BRIP1: variants seen among roughly 807,000 people sequenced by gnomAD.
BRIP1 encodes Fanconi anemia group J protein.
In BRIP1, 88 loss-of-function variants were observed where a neutral mutation model predicts 119.7. That is an observed-to-expected ratio of 0.74 (90% CI 0.62 to 0.88). The LOEUF (loss-of-function observed/expected upper bound fraction) is 0.88, where lower values mean the gene tolerates loss of function less well. Among genes scored for constraint, BRIP1 ranks in the 40% least tolerant of loss-of-function variants. The pLI is 0.00. For missense variants in BRIP1, 1,259 were observed against 1,455.4 expected (o/e 0.87, Z 2.20); for synonymous variants, 443 against 496.5 (o/e 0.89, Z 1.43).
Position 61,842,240 on chromosome 17 carries a change from A to G in BRIP1, c.627+4861T>C, listed in dbSNP as rs2078668574. Among the ~76,000 whole-genome samples, 3 of 152,172 alleles carry G rather than the reference A, an allele frequency of 2.0e-5. No individual in the cohort carries two copies. The highest frequency in any genetic ancestry group is 1.5e-5 in the Non-Finnish European group (1 of 68,030). On this transcript the variant is annotated intron_variant, in intron 6 of 19. Coordinates refer to ENST00000259008, the MANE Select transcript of BRIP1 (RefSeq NM_032043.3). The surrounding 1 kb of genome is among the most constrained non-coding windows in gnomAD (Gnocchi z 5.1). The stretch of plus-strand genomic sequence containing the variant: ...TGTAGGAGCTAAAAAAAATGAGCTC[A>G]TAGAAGTAGAGTAAATTGTGGTTAT...
In BRIP1 at chr17:61,715,916, A is replaced by G. The variant is rs747748930; in HGVS notation, c.2492+35T>C. On this transcript the variant is annotated intron_variant, in intron 17 of 19. Coordinates refer to ENST00000259008, the MANE Select transcript of BRIP1 (RefSeq NM_032043.3). ...CTAGATTTATATATATAGCCCTGTCACAGATAATATTATATTAAATTTCAC... is the reference window on the plus strand; with the variant it reads ...CTAGATTTATATATATAGCCCTGTCGCAGATAATATTATATTAAATTTCAC... The G allele has an allele frequency of 3.0e-6, 4 of 1,346,018 alleles. No individual in the cohort carries two copies. In the Admixed American group the frequency reaches 6.8e-5, roughly 23 times the overall value. 83.4% of individuals were successfully genotyped at this position (1,346,018 alleles called of 1,614,324 possible). A position where few individuals can be genotyped will look rare whatever the true frequency, so the allele number is the denominator to read the frequency against.
rs138776528 is a variant in BRIP1, at chr17:61,745,007, A to G, written c.2098-416T>C. ...CCTCTGTCAAAGTTAACAAACTTTA[A>G]GTTCTCTCTTTAAACCTAAGGTGAA... On this transcript the variant is annotated intron_variant, in intron 14 of 19. Transcript: ENST00000259008. This position sits in a 1 kb window ranked among gnomAD's most constrained non-coding sequence, Gnocchi z 4.4. Among the ~76,000 whole-genome samples the G allele has an allele frequency of 5.9e-5, 9 of 152,308 alleles. No individual in the cohort carries two copies. The highest frequency in any genetic ancestry group is 2.2e-4 in the African/African-American group (9 of 41,576).
Position 61,823,320 on chromosome 17 carries a change from A to G in BRIP1, c.628-14563T>C, listed in dbSNP as rs776675321. Among the ~76,000 whole-genome samples, 8 of 152,266 alleles carry G rather than the reference A, an allele frequency of 5.3e-5. No individual in the cohort carries two copies. Among genetic ancestry groups the G allele is most frequent in the Non-Finnish European group, 1.2e-4 (8 of 68,048 alleles). On this transcript the variant is annotated intron_variant, in intron 6 of 19. Coordinates refer to ENST00000259008, the MANE Select transcript of BRIP1 (RefSeq NM_032043.3). The surrounding 1 kb of genome is among the most constrained non-coding windows in gnomAD (Gnocchi z 4.8). Reference sequence around the variant, plus strand: ...AAAAACAGAAATCTTATCTTGCACCATAAACTACTAACAAATTGGACAAGA... The same window carrying G: ...AAAAACAGAAATCTTATCTTGCACCGTAAACTACTAACAAATTGGACAAGA...
At chr17:61,771,406 T>A (rs972081826) in intron 14 of BRIP1, among the ~76,000 whole-genome samples, 4 of 152,200 alleles carry the variant, frequency 2.6e-5, no homozygotes, top group Non-Finnish European at 5.9e-5. Flanking sequence ...AGAATTTGAA[T>A]AGGCATTTCT....
intron 6 of BRIP1, 57 bp downstream of exon 6, chr17:61,847,044 G>T: frequency 6.2e-7 from 1 of 1,605,304 alleles, no homozygotes; most frequent in Non-Finnish European, 8.5e-7. Context: ...TCAAAAATTG[G>T]TTTAGAAAAT....
rs769587485 is a variant in BRIP1, at chr17:61,751,909, C to T, written c.2098-7318G>A. On this transcript the variant is annotated intron_variant, in intron 14 of 19. Coordinates refer to ENST00000259008, the MANE Select transcript of BRIP1 (RefSeq NM_032043.3). This position sits in a 1 kb window ranked among gnomAD's most constrained non-coding sequence, Gnocchi z 6.7. ...CCAGCCTCCTGAGTAGCTGGGACTA[C>T]AGGCGGACACCACCACACCTGACTA... 1.2e-4 allele frequency among the ~76,000 whole-genome samples: 18 copies of T among 152,166 alleles called. No individual in the cohort carries two copies. Among genetic ancestry groups the T allele is most frequent in the Non-Finnish European group, 1.8e-4 (12 of 68,016 alleles).
At chr17:61,702,972 CT>C (rs61428664) in intron 17 of BRIP1, among the ~76,000 whole-genome samples, 42,255 of 125,216 alleles carry the variant, frequency 0.34, 5,527 homozygotes, top group East Asian at 0.53. Flanking sequence ...AGCATCTGTT[CT>C]TTTTTTTTTT....
chr17:61,798,307 A>T lies in BRIP1; in HGVS notation c.1340+793T>A, dbSNP rs1210359207. Reference sequence around the variant, plus strand: ...GCAAGTTGCAGAAAAATGTATGTATACTATGCCATCATTTGGAAAATAGTG... The same window carrying T: ...GCAAGTTGCAGAAAAATGTATGTATTCTATGCCATCATTTGGAAAATAGTG... On this transcript the variant is annotated intron_variant, in intron 9 of 19. Transcript: ENST00000259008. The surrounding 1 kb of genome is among the most constrained non-coding windows in gnomAD (Gnocchi z 5.5). Among the ~76,000 whole-genome samples the T allele has an allele frequency of 6.6e-6, 1 of 152,024 alleles. No individual in the cohort carries two copies. Among genetic ancestry groups the T allele is most frequent in the Non-Finnish European group, 1.5e-5 (1 of 67,916 alleles).
intron 6 of BRIP1, among the ~76,000 whole-genome samples, chr17:61,829,390 A>C (rs752104321): frequency 3.5e-4 from 54 of 152,264 alleles, no homozygotes; most frequent in Non-Finnish European, 6.2e-4. Context: ...ATGTGTATAC[A>C]GCTAATAACA....
rs1567726487 is a variant in BRIP1, at chr17:61,682,878, A to C, written c.*418T>G. 4.7e-6 allele frequency: 1 copy of C among 212,540 alleles called. No homozygotes were observed. The highest frequency in any genetic ancestry group is 7.8e-5 in the East Asian group (1 of 12,802). The allele number at this position is 212,540 out of a possible 1,614,324, so 13.2% of individuals were successfully genotyped here. On this transcript the variant is annotated 3_prime_UTR_variant, in exon 20 of 20. Coordinates refer to ENST00000259008, the MANE Select transcript of BRIP1 (RefSeq NM_032043.3). The surrounding 1 kb of genome is among the most constrained non-coding windows in gnomAD (Gnocchi z 4.9). ...CCAGGCACTGTGGCTCACACCTGTA[A>C]TCCCAGCAACTTAGGGAGGCAGAGA...
In BRIP1 at chr17:61,762,873, G is replaced by A. The variant is rs2077298042; in HGVS notation, c.2097+13528C>T. On this transcript the variant is annotated intron_variant, in intron 14 of 19. Transcript: ENST00000259008. The surrounding 1 kb of genome is among the most constrained non-coding windows in gnomAD (Gnocchi z 4.3). ...TATGATCTAGCAATCTCACTTCTGA[G>A]TATTTACCCCTAAAATTTGAAGTCA... Among the ~76,000 whole-genome samples the A allele has an allele frequency of 2.0e-5, 3 of 152,106 alleles. No homozygotes were observed. The highest frequency in any genetic ancestry group is 2.9e-5 in the Non-Finnish European group (2 of 68,002).
At chr17:61,772,991 A>G (rs2077481515) in intron 14 of BRIP1, among the ~76,000 whole-genome samples, 1 of 152,034 alleles carries the variant, frequency 6.6e-6, no homozygotes, top group Non-Finnish European at 1.5e-5. Flanking sequence ...TTTTTTCATT[A>G]TAACCATTCT....
Position 61,693,591 on chromosome 17 carries a change from T to G in BRIP1, c.2493-79A>C. 8.2e-7 allele frequency: 1 copy of G among 1,226,832 alleles called. No homozygotes were observed. The highest frequency in any genetic ancestry group is 1.2e-6 in the Non-Finnish European group (1 of 837,512). The allele number at this position is 1,226,832 out of a possible 1,614,324, so 76.0% of individuals were successfully genotyped here. ...TTTTCCAGTGGGACAGACAGAAAAT[T>G]GGAAAAAAATCAATTTTATAGATTC... On this transcript the variant is annotated intron_variant, in intron 17 of 19. Coordinates refer to ENST00000259008, the MANE Select transcript of BRIP1 (RefSeq NM_032043.3). This position sits in a 1 kb window ranked among gnomAD's most constrained non-coding sequence, Gnocchi z 4.2.
At chr17:61,786,359 A>C (rs2077707417) in intron 10 of BRIP1, among the ~76,000 whole-genome samples, 1 of 152,100 alleles carries the variant, frequency 6.6e-6, no homozygotes, top group African/African-American at 2.4e-5. Flanking sequence ...ATGTGGTTAA[A>C]TATCAGAAGA....
At position 61,769,094 on chromosome 17, in the gene BRIP1, G is replaced by A. The variant is rs561460610; in HGVS notation, c.2097+7307C>T. On this transcript the variant is annotated intron_variant, in intron 14 of 19. Transcript: ENST00000259008. This position sits in a 1 kb window ranked among gnomAD's most constrained non-coding sequence, Gnocchi z 4.9. ...TCTCACTCAGTCCTACGACTACAAG[G>A]GATAAATTCTGCAAACAAACTGAGG... Among the ~76,000 whole-genome samples the A allele has an allele frequency of 6.6e-6, 1 of 152,214 alleles. No homozygotes were observed. The highest frequency in any genetic ancestry group is 1.9e-4 in the East Asian group (1 of 5,176).
chr17:61,786,609 A>G lies in BRIP1; in HGVS notation c.1474-2185T>C, dbSNP rs1057143601. ...ATATATAATATAATAAAAATATAAT[A>G]TATATATTATTTAACAGCTCTAATT... is the stretch of plus-strand genomic sequence containing the variant. On this transcript the variant is annotated intron_variant, in intron 10 of 19. Coordinates refer to ENST00000259008, the MANE Select transcript of BRIP1 (RefSeq NM_032043.3). 5.5e-5 allele frequency among the ~76,000 whole-genome samples: 8 copies of G among 146,594 alleles called. No homozygotes were observed. In the South Asian group the frequency reaches 1.5e-3, roughly 27 times the overall value.
chr17:61,812,875 A>AG (rs2078183984), intron 6 of BRIP1, among the ~76,000 whole-genome samples: 1 of 152,146 alleles, frequency 6.6e-6, no homozygotes, highest in Non-Finnish European at 1.5e-5. Flanking sequence ...AGTCCTTGCC[A>AG]CTGTTCCTTT....
chr17:61,811,752 G>A (rs2078165317), intron 6 of BRIP1, among the ~76,000 whole-genome samples: 1 of 151,482 alleles, frequency 6.6e-6, no homozygotes, highest in Non-Finnish European at 1.5e-5. Context: ...AGGAGTTCAA[G>A]ACTAGCCTGG....
chr17:61,721,267 CTT>C lies in BRIP1; in HGVS notation c.2380-5206_2380-5205del, dbSNP rs11326516. On this transcript the variant is annotated intron_variant, in intron 16 of 19. Coordinates refer to ENST00000259008, the MANE Select transcript of BRIP1 (RefSeq NM_032043.3). ...TCTTACTGTAAAAATAAAATCTAAG[CTT>C]TTTTTTTTTTTTTTTTTTTAACACG... 1.0e-3 allele frequency among the ~76,000 whole-genome samples: 118 copies of C among 114,166 alleles called. 1 individual carries two copies. Among genetic ancestry groups the C allele is most frequent in the African/African-American group, 3.0e-3 (91 of 29,936 alleles). The allele number at this position is 114,166 out of a possible 152,430, so 74.9% of individuals were successfully genotyped here. A position where few individuals can be genotyped will look rare whatever the true frequency, so the allele number is the denominator to read the frequency against.
Sources: gnomAD v4.1 joint callset for allele counts (sites outside exome capture counted in the v4.1 genomes callset) on GRCh38, gnomAD v4.1.1 for gene constraint, Gnocchi (gnomAD v3.1) non-coding constraint, MANE v1.5 for transcripts, NCBI Gene and HGNC (gene_info 2026-07-23, HGNC 2026-07-21) for gene names.